The following AKT3 variants were observed in gnomAD, a reference collection of about 807,000 sequenced individuals.
The protein encoded by AKT3 is AKT serine/threonine kinase 3, also known as RAC-gamma serine/threonine-protein kinase.
In AKT3, 15 loss-of-function variants were observed where a neutral mutation model predicts 65.3. The observed-to-expected ratio is 0.23, with a 90% confidence interval of 0.15 to 0.35. AKT3 has a LOEUF of 0.35. AKT3 is among the 10% of genes least tolerant of loss of function. The pLI, the probability that AKT3 is intolerant of heterozygous loss-of-function variation, is 1.00. For synonymous variants in AKT3, 206 were observed against 183.8 expected (o/e 1.12, Z -0.98); for missense variants, 243 against 576.5 (o/e 0.42, Z 5.92).
intron 2 of AKT3, among the ~76,000 whole-genome samples, chr1:243,758,860 T>C (rs937606447): frequency 4.6e-5 from 7 of 152,182 alleles, no homozygotes; most frequent in African/African-American, 1.7e-4. Context: ...CAGGGACCAG[T>C]ACTTGTCCAC....
chr1:243,660,247 G>GA (rs1267504962), intron 4 of AKT3, among the ~76,000 whole-genome samples: 1 of 151,998 alleles, frequency 6.6e-6, no homozygotes, highest in Non-Finnish European at 1.5e-5. Flanking sequence ...ATTTCTTCTA[G>GA]ATTTTCTAGT....
chr1:243,832,784 G>C (rs1476984551), intron 2 of AKT3, among the ~76,000 whole-genome samples: 2 of 152,136 alleles, frequency 1.3e-5, no homozygotes, highest in Non-Finnish European at 2.9e-5. Flanking sequence ...GCACGTTACT[G>C]TACTGAATAC....
chr1:243,607,421 T>C (rs187951573), intron 8 of AKT3, among the ~76,000 whole-genome samples: 2 of 152,316 alleles, frequency 1.3e-5, no homozygotes, highest in African/African-American at 4.8e-5. Context: ...AACTTTAAGG[T>C]TTAATGACTG....
intron 2 of AKT3, among the ~76,000 whole-genome samples, chr1:243,801,122 GA>G (rs1692356201): frequency 6.6e-6 from 1 of 152,110 alleles, no homozygotes; most frequent in Admixed American, 6.5e-5. Flanking sequence ...AAGTTATTCT[GA>G]AATGAAATTA....
intron 2 of AKT3, among the ~76,000 whole-genome samples, chr1:243,790,218 A>T (rs944768240): frequency 6.6e-6 from 1 of 152,194 alleles, no homozygotes; most frequent in Admixed American, 6.5e-5. Context: ...CATCTTCTTC[A>T]CCAAATAGAA....
At chr1:243,799,757 T>C (rs906692799) in intron 2 of AKT3, among the ~76,000 whole-genome samples, 1 of 152,252 alleles carries the variant, frequency 6.6e-6, no homozygotes, top group Non-Finnish European at 1.5e-5. Flanking sequence ...GTCTGATTTC[T>C]GTTACTTAAG....
chr1:243,633,872 C>T, intron 6 of AKT3, among the ~76,000 whole-genome samples: 1 of 152,030 alleles, frequency 6.6e-6, no homozygotes, highest in East Asian at 1.9e-4. Flanking sequence ...AAGAATGATC[C>T]AATTCCATGC....
chr1:243,616,588 G>T (rs1678343161), intron 6 of AKT3, among the ~76,000 whole-genome samples: 1 of 152,170 alleles, frequency 6.6e-6, no homozygotes, highest in Admixed American at 6.5e-5. Flanking sequence ...CTTCTGGCAA[G>T]ATCTTAAATA....
chr1:243,752,043 G>C (rs1185788817), intron 2 of AKT3, among the ~76,000 whole-genome samples: 1 of 152,140 alleles, frequency 6.6e-6, no homozygotes, highest in African/African-American at 2.4e-5. Context: ...GTTGAGCTGG[G>C]TTAATGCTGT....
chr1:243,849,376 C>CCA (rs1394121821), intron 1 of AKT3, among the ~76,000 whole-genome samples: 4 of 124,490 alleles, frequency 3.2e-5, no homozygotes, highest in Non-Finnish European at 3.7e-5. Flanking sequence ...TACCCACCTC[C>CCA]CACACACACA....
chr1:243,495,399 C>A (rs1667557111), downstream of AKT3, among the ~76,000 whole-genome samples: 1 of 152,242 alleles, frequency 6.6e-6, no homozygotes, highest in South Asian at 2.1e-4. Flanking sequence ...GCAGCAAAGC[C>A]AAGCCCTGCG....
At chr1:243,707,990 G>T (rs891136337) in intron 2 of AKT3, among the ~76,000 whole-genome samples, 2 of 152,000 alleles carry the variant, frequency 1.3e-5, no homozygotes, top group African/African-American at 4.8e-5. Context: ...CCATTTTAAT[G>T]AATACTGCTC....
chr1:243,808,004 A>AAACTAACAAAT (rs1240459274), intron 2 of AKT3: 1 of 152,276 alleles, frequency 6.6e-6, no homozygotes, highest in Admixed American at 6.5e-5. Context: ...AACAAATAGA[A>AAACTAACAAAT]AGACATCCAC....
chr1:243,756,639 C>A (rs1423613058), intron 2 of AKT3, among the ~76,000 whole-genome samples: 1 of 152,042 alleles, frequency 6.6e-6, no homozygotes, highest in Non-Finnish European at 1.5e-5. Flanking sequence ...GTTGAAGAAA[C>A]AACAAATTAG....
At chr1:243,674,878 G>T (rs1324121411) in intron 3 of AKT3, among the ~76,000 whole-genome samples, 1 of 152,182 alleles carries the variant, frequency 6.6e-6, no homozygotes, top group Non-Finnish European at 1.5e-5. Flanking sequence ...TGTTACATGG[G>T]TGTATTGTAT....
At chr1:243,781,678 T>C (rs1467831925) in intron 2 of AKT3, among the ~76,000 whole-genome samples, 3 of 152,216 alleles carry the variant, frequency 2.0e-5, no homozygotes, top group Non-Finnish European at 4.4e-5. Context: ...GTTTTTTAAA[T>C]GTATCTAATA....
At chr1:243,592,417 T>C (rs1571993987) in intron 8 of AKT3, among the ~76,000 whole-genome samples, 1 of 150,060 alleles carries the variant, frequency 6.7e-6, no homozygotes, top group East Asian at 2.0e-4. Flanking sequence ...CCAAGGCACA[T>C]CATAATCAAT....
chr1:243,745,661 T>C (rs889729464), intron 2 of AKT3, among the ~76,000 whole-genome samples: 3 of 152,230 alleles, frequency 2.0e-5, no homozygotes, highest in African/African-American at 7.2e-5. Context: ...CTCAACACAA[T>C]TCACGAGCTT....
At chr1:243,630,581 G>A (rs1237269673) in intron 6 of AKT3, among the ~76,000 whole-genome samples, 2 of 152,008 alleles carry the variant, frequency 1.3e-5, no homozygotes, top group Non-Finnish European at 2.9e-5. Context: ...TGTCCTCTAG[G>A]CCCATGGTGG....
Sources: allele counts gnomAD v4.1 joint callset (sites outside exome capture counted in the v4.1 genomes callset), GRCh38; gene constraint gnomAD v4.1.1; transcripts MANE v1.5; gene names NCBI Gene and HGNC (gene_info 2026-07-23, HGNC 2026-07-21).